TMEM63C: variants seen among roughly 807,000 people sequenced by gnomAD.
The protein encoded by TMEM63C is transmembrane protein 63C, also known as osmosensitive cation channel TMEM63C.
TMEM63C carries 32 observed loss-of-function variants against 99.2 expected under a neutral mutation model. The ratio of observed to expected loss-of-function variants is 0.32; its 90% confidence interval spans 0.24 to 0.43. The LOEUF is 0.43. TMEM63C is among the 20% of genes least tolerant of loss of function. The pLI is 1.00. For missense variants in TMEM63C, 826 were observed against 1,053.0 expected, an observed-to-expected ratio of 0.78 and a Z score of 2.98; for synonymous variants, 376 against 397.9, an observed-to-expected ratio of 0.94 and a Z score of 0.66.
At chr14:77,201,251 G>A (rs920840122) in intron 1 of TMEM63C, 4 of 152,192 alleles carry the variant, frequency 2.6e-5, no homozygotes, top group Admixed American at 6.5e-5. Flanking sequence ...GCAGCTATGC[G>A]GTCTTGTTAT....
intron 16 of TMEM63C, 87 bp downstream of exon 16, chr14:77,244,542 C>A (rs1254589537): frequency 1.9e-6 from 2 of 1,027,670 alleles, no homozygotes; most frequent in Non-Finnish European, 3.0e-6. Flanking sequence ...GCACTTGGGC[C>A]TCCCCTCTAG....
intron 19 of TMEM63C, 105 bp downstream of exon 19, chr14:77,248,614 T>A (rs931550160): frequency 5.8e-5 from 87 of 1,504,190 alleles, no homozygotes; most frequent in Non-Finnish European, 7.2e-5. Flanking sequence ...GGAGGGACGG[T>A]GTGGATGGGT....
chr14:77,227,788 G>A (rs1399059063), intron 6 of TMEM63C, among the ~76,000 whole-genome samples: 1 of 152,124 alleles, frequency 6.6e-6, no homozygotes, highest in Non-Finnish European at 1.5e-5. Flanking sequence ...TTGGTGAGTT[G>A]GGTCTCTGTT....
chr14:77,240,945 T>C lies in TMEM63C; in HGVS notation c.1064+337T>C, dbSNP rs1009355551. ...TTTCCCTTTTTCTTTTTTTTTTTTT[T>C]TCTTTTTTTTTTTTTTTCTTTTTTT... On this transcript the variant is annotated intron_variant, in intron 13 of 23. Coordinates refer to ENST00000298351, the MANE Select transcript of TMEM63C (RefSeq NM_020431.4). Among the ~76,000 whole-genome samples, 225 of 54,350 alleles carry C rather than the reference T, an allele frequency of 4.1e-3. 1 individual carries two copies. Among genetic ancestry groups the C allele is most frequent in the South Asian group, 7.7e-3 (9 of 1,164 alleles). 35.7% of individuals were successfully genotyped at this position (54,350 alleles called of 152,430 possible).
At position 77,233,317 on chromosome 14, in the gene TMEM63C, C is replaced by T. The variant is rs1260469105; in HGVS notation, c.494-135C>T. On this transcript the variant is annotated intron_variant, in intron 7 of 23. Coordinates refer to ENST00000298351, the MANE Select transcript of TMEM63C (RefSeq NM_020431.4). ...CTTTGTTAAAAGTTGGGGAGAAGCT[C>T]TGGGGAACCAGAAGGAAGAGGAGGT... is the stretch of plus-strand genomic sequence containing the variant. The T allele has an allele frequency of 4.6e-6, 4 of 870,032 alleles. No homozygotes were observed. The East Asian group carries it at 1.1e-4, about 23-fold the overall frequency. The allele number at this position is 870,032 out of a possible 1,614,324, so 53.9% of individuals were successfully genotyped here. A position where few individuals can be genotyped will look rare whatever the true frequency, so the allele number is the denominator to read the frequency against.
intron 21 of TMEM63C, among the ~76,000 whole-genome samples, chr14:77,250,221 A>G (rs1889334917): frequency 6.6e-6 from 1 of 152,136 alleles, no homozygotes; most frequent in South Asian, 2.1e-4. Flanking sequence ...CTCACTCTTT[A>G]GCTACACACA....
intron 2 of TMEM63C, among the ~76,000 whole-genome samples, chr14:77,215,614 A>AAAAAAAAAAGAAAAGAAAAG (rs772701077): frequency 3.9e-5 from 3 of 76,548 alleles, no homozygotes; most frequent in South Asian, 5.9e-4. Context: ...AAAAAAAAAA[A>AAAAAAAAAAGAAAAGAAAAG]AAAAGAAAAG....
Position 77,241,130 on chromosome 14 carries a change from T to C in TMEM63C, c.1064+522T>C, listed in dbSNP as rs867399718. Among the ~76,000 whole-genome samples, 7 of 152,100 alleles carry C rather than the reference T, an allele frequency of 4.6e-5. No homozygotes were observed. The South Asian group carries it at 1.2e-3, about 27-fold the overall frequency. On this transcript the variant is annotated intron_variant, in intron 13 of 23. Transcript: ENST00000298351. ...CATGCCCGGCTAATGTTTGTATTTTTAGTAGAGACGGGGTTTCACCATGTT... is the reference window on the plus strand; with the variant it reads ...CATGCCCGGCTAATGTTTGTATTTTCAGTAGAGACGGGGTTTCACCATGTT...
chr14:77,226,661 G>T (rs1476989565), intron 6 of TMEM63C, among the ~76,000 whole-genome samples: 1 of 152,092 alleles, frequency 6.6e-6, no homozygotes, highest in Admixed American at 6.5e-5. Context: ...TTGCAGAGAT[G>T]AGTAGGGTGT....
chr14:77,238,197 A>T (rs1889093947), intron 9 of TMEM63C, among the ~76,000 whole-genome samples: 1 of 152,112 alleles, frequency 6.6e-6, no homozygotes, highest in Admixed American at 6.5e-5. Context: ...CTCTCCCCAG[A>T]GTCTTGTTTA....
intron 1 of TMEM63C, among the ~76,000 whole-genome samples, chr14:77,204,127 G>T (rs1888355403): frequency 1.3e-5 from 2 of 152,348 alleles, no homozygotes; most frequent in Non-Finnish European, 1.5e-5. Context: ...ACTTAGTGGG[G>T]ACTTGTTACC....
chr14:77,220,739 C>G (rs1473315316), intron 5 of TMEM63C, among the ~76,000 whole-genome samples: 1 of 151,964 alleles, frequency 6.6e-6, no homozygotes, highest in African/African-American at 2.4e-5. Flanking sequence ...GTAGTGGTGA[C>G]ATTTCGGCGG....
chr14:77,207,419 G>T (rs1312641487), intron 1 of TMEM63C, among the ~76,000 whole-genome samples: 1 of 152,132 alleles, frequency 6.6e-6, no homozygotes, highest in Non-Finnish European at 1.5e-5. Context: ...CTTCTCTTTA[G>T]CTGAGAGTCC....
chr14:77,234,751 G>T (rs1889006407), intron 8 of TMEM63C, among the ~76,000 whole-genome samples: 1 of 152,190 alleles, frequency 6.6e-6, no homozygotes, highest in South Asian at 2.1e-4. Context: ...GCATCATGTG[G>T]GTTGAAAGCA....
chr14:77,239,331 G>A, intron 10 of TMEM63C, 81 bp from the exon 11 acceptor site: 1 of 1,457,144 alleles, frequency 6.9e-7, no homozygotes, highest in South Asian at 1.2e-5. Context: ...CAGCCCTCAG[G>A]GCCGACATGC....
intron 5 of TMEM63C, 88 bp downstream of exon 5, chr14:77,220,175 T>A: frequency 7.8e-7 from 1 of 1,285,942 alleles, no homozygotes; most frequent in Non-Finnish European, 1.1e-6. Flanking sequence ...GGCTTAGACC[T>A]TGGGGCTTTG....
At chr14:77,221,451 A>C (rs1313474982) in intron 5 of TMEM63C, among the ~76,000 whole-genome samples, 1 of 11,700 alleles carries the variant, frequency 8.5e-5, no homozygotes. Context: ...CCTCCCACTC[A>C]CACCTCCCCT....
intron 13 of TMEM63C, among the ~76,000 whole-genome samples, chr14:77,240,952 T>TCTTTTTTTTTTC (rs56383851): frequency 6.8e-6 from 1 of 147,146 alleles, no homozygotes; most frequent in Non-Finnish European, 1.5e-5. Context: ...TTTTTCTTTT[T>TCTTTTTTTTTTC]TTTTTTTTTT....
intron 19 of TMEM63C, 101 bp from the exon 20 acceptor site, chr14:77,248,666 G>A: frequency 6.7e-7 from 1 of 1,491,370 alleles, no homozygotes; most frequent in Admixed American, 1.7e-5. Context: ...AAAGGAGGCT[G>A]CCTCCAGGCC....
Sources: allele counts gnomAD v4.1 joint callset (sites outside exome capture counted in the v4.1 genomes callset), GRCh38; gene constraint gnomAD v4.1.1; transcripts MANE v1.5; gene names NCBI Gene and HGNC (gene_info 2026-07-23, HGNC 2026-07-21).